Variants in MYO1C observed in about 807,000 individuals in gnomAD.
MYO1C encodes the protein unconventional myosin-Ic.
In MYO1C, 104 loss-of-function variants were observed where a neutral mutation model predicts 150.8. That is an observed-to-expected ratio of 0.69 (90% CI 0.59 to 0.81). MYO1C has a LOEUF of 0.81. Among genes scored for constraint, MYO1C ranks in the 30% least tolerant of loss-of-function variants. The pLI, the probability that MYO1C is intolerant of heterozygous loss-of-function variation, is 0.00. For synonymous variants in MYO1C, 663 were observed against 579.9 expected (o/e 1.14, Z -2.06); for missense variants, 1,504 against 1,435.0 (o/e 1.05, Z -0.78).
intron 1 of MYO1C, chr17:1,485,627 G>C: frequency 1.8e-6 from 2 of 1,136,142 alleles, no homozygotes; most frequent in East Asian, 3.6e-5. Flanking sequence ...GCGAGGCCGA[G>C]GCGACGCCGC....
At chr17:1,470,845 C>T in intron 21 of MYO1C, 156 bp from the exon 22 acceptor site, 1 of 969,536 alleles carries the variant, frequency 1.0e-6, no homozygotes, top group Admixed American at 2.0e-5. Context: ...TGGGGACTGC[C>T]CGGAAAAGGG....
chr17:1,469,065 G>A lies in MYO1C; in HGVS notation c.2610+466C>T, dbSNP rs572027340. Reference sequence around the variant, plus strand: ...TCCACTTCCTACACGAGGCCCAGCAGGGCCTGGCATCCAACTGAGGTCACC... The same window carrying A: ...TCCACTTCCTACACGAGGCCCAGCAAGGCCTGGCATCCAACTGAGGTCACC... On this transcript the variant is annotated intron_variant, in intron 25 of 31. Coordinates refer to ENST00000648651, the MANE Select transcript of MYO1C (RefSeq NM_001080779.2). 83 of 301,256 alleles carry A rather than the reference G, an allele frequency of 2.8e-4. 1 individual carries two copies. In the Admixed American group the frequency reaches 3.7e-3, roughly 13 times the overall value. 18.7% of individuals were successfully genotyped at this position (301,256 alleles called of 1,614,324 possible).
chr17:1,488,992 A>G (rs958505412), intron 1 of MYO1C, among the ~76,000 whole-genome samples: 1 of 152,138 alleles, frequency 6.6e-6, no homozygotes, highest in African/African-American at 2.4e-5. Flanking sequence ...ATGTTCCCCC[A>G]GCCTAAGGGC....
At chr17:1,484,872 T>TTCCCCCCCCCCCC in intron 1 of MYO1C, 2 of 341,198 alleles carry the variant, frequency 5.9e-6, no homozygotes, top group South Asian at 2.2e-5. Flanking sequence ...GGGCCGTCTC[T>TTCCCCCCCCCCCC]CCCACCCAGA....
intron 24 of MYO1C, 71 bp from the exon 25 acceptor site, chr17:1,469,685 C>A (rs1168609416): frequency 1.7e-5 from 21 of 1,246,476 alleles, no homozygotes; most frequent in Non-Finnish European, 2.3e-5. Flanking sequence ...CGAACATATG[C>A]TACTGCATCC....
At position 1,477,984 on chromosome 17, in the gene MYO1C, A is replaced by C. The variant is rs1476930579; in HGVS notation, c.1402-13T>G. ...GGACGGGCTCCCACTGAGGGGCAGAAGGGAAGGAAGGGATCACCGTGGGGT... is the reference window on the plus strand; with the variant it reads ...GGACGGGCTCCCACTGAGGGGCAGACGGGAAGGAAGGGATCACCGTGGGGT... On this transcript the variant is annotated splice_polypyrimidine_tract_variant and intron_variant, in intron 12 of 31. Coordinates refer to ENST00000648651, the MANE Select transcript of MYO1C (RefSeq NM_001080779.2). 1.9e-6 allele frequency: 3 copies of C among 1,613,812 alleles called. No individual in the cohort carries two copies. The South Asian group carries it at 3.3e-5, about 18-fold the overall frequency.
intron 14 of MYO1C, among the ~76,000 whole-genome samples, chr17:1,476,438 G>T (rs2074404085): frequency 6.6e-6 from 1 of 152,188 alleles, no homozygotes; most frequent in South Asian, 2.1e-4. Flanking sequence ...GCCTCCCACA[G>T]TGTCGGGATG....
rs1567532171 is a variant in MYO1C, at chr17:1,482,962, C to T, written c.445G>A (p.Ala149Thr). The T allele has an allele frequency of 1.2e-6, 2 of 1,611,670 alleles. No homozygotes were observed. The highest frequency in any genetic ancestry group is 8.5e-7 in the Non-Finnish European group (1 of 1,179,700). ...TAGAACTGCAGCAGCCTCTTGGTGG[C>T]CTCGGTCTTGCCTGCCCCGCTCTCC... ...SGESGAGKTE[A>T]TKRLLQFYAE... is the part of the protein sequence containing the mutation. Residue 149 changes from alanine to threonine, a missense_variant, in exon 4 of 32, where the codon GCC becomes ACC. Coordinates refer to ENST00000648651, the MANE Select transcript of MYO1C (RefSeq NM_001080779.2).
chr17:1,474,427 C>CAA (rs869242496), intron 17 of MYO1C, among the ~76,000 whole-genome samples, 183 bp downstream of exon 17: 25 of 85,414 alleles, frequency 2.9e-4, no homozygotes, highest in Admixed American at 6.0e-4. Flanking sequence ...GACCCTGTCT[C>CAA]AAAAAAAAAA....
At chr17:1,467,965 T>C in intron 28 of MYO1C, 23 bp downstream of exon 28, 1 of 1,612,836 alleles carries the variant, frequency 6.2e-7, no homozygotes, top group Non-Finnish European at 8.5e-7. Flanking sequence ...GCCCTCCCCC[T>C]GCAGCCCTGG....
Position 1,492,404 on chromosome 17 carries a change from C to A in MYO1C, c.75+9G>T. 1.3e-6 allele frequency: 2 copies of A among 1,599,442 alleles called. No individual in the cohort carries two copies. Among genetic ancestry groups the A allele is most frequent in the East Asian group, 2.3e-5 (1 of 43,836 alleles). On this transcript the variant is annotated intron_variant, in intron 1 of 31. Transcript: ENST00000648651. ...CACCCTCCTCCCAGCCCAGAGCATC[C>A]CAGCTTACAAGCTTGCAGGGCCTGT... is the stretch of plus-strand genomic sequence containing the variant.
intron 5 of MYO1C, 188 bp from the exon 6 acceptor site, chr17:1,481,073 G>A: frequency 1.6e-6 from 1 of 620,118 alleles, no homozygotes; most frequent in Non-Finnish European, 2.8e-6. Flanking sequence ...AGGAAATGGG[G>A]AGATTCAACT....
At chr17:1,485,369 T>C (rs1472398200) in intron 1 of MYO1C, 1 of 1,095,710 alleles carries the variant, frequency 9.1e-7, no homozygotes, top group Non-Finnish European at 1.1e-6. Context: ...GCCGGGGGCC[T>C]GCCCCTCCCA....
At chr17:1,484,055 A>G (rs1487818294) in intron 2 of MYO1C, 93 bp downstream of exon 2, 15 of 1,471,826 alleles carry the variant, frequency 1.0e-5, no homozygotes, top group Non-Finnish European at 1.3e-5. Context: ...AAAAAAAAAA[A>G]GTTTATCCCG....
At chr17:1,467,618 A>G in intron 29 of MYO1C, 41 bp from the exon 30 acceptor site, 1 of 1,590,440 alleles carries the variant, frequency 6.3e-7, no homozygotes, top group Non-Finnish European at 8.6e-7. Context: ...CCCTGCCCAG[A>G]ACTTGAGGAA....
Position 1,480,539 on chromosome 17 carries a change from C to T in MYO1C, c.894G>A (p.Glu298=), listed in dbSNP as rs760733255. 6.2e-7 allele frequency: 1 copy of T among 1,613,770 alleles called. No individual in the cohort carries two copies. Among genetic ancestry groups the T allele is most frequent in the Non-Finnish European group, 8.5e-7 (1 of 1,179,656 alleles). The change falls in exon 7 of 32, where the codon GAG becomes GAA. Residue 298 remains glutamate, a synonymous_variant. Transcript: ENST00000648651. The stretch of plus-strand genomic sequence containing the variant: ...GAAGAGGCCTCACCTCCACTTCATC[C>T]TCGGTGAAATCAATGACTGTCAGAG... ...RKALTVIDFT[E]DEVEDLLSIV... is the part of the protein sequence containing the mutation.
intron 25 of MYO1C, 112 bp downstream of exon 25, chr17:1,469,419 C>G (rs1367214647): frequency 1.9e-6 from 2 of 1,047,222 alleles, no homozygotes; most frequent in Non-Finnish European, 2.9e-6. Context: ...CGGTAGAACG[C>G]GGTAAATACG....
At chr17:1,469,922 C>A (rs1056812452) in intron 24 of MYO1C, among the ~76,000 whole-genome samples, 1 of 152,200 alleles carries the variant, frequency 6.6e-6, no homozygotes, top group Admixed American at 6.5e-5. Context: ...GTAGTCCCAG[C>A]TACTCAGGAG....
chr17:1,465,824 T>C (rs1168148307), intron 31 of MYO1C, 72 bp from the exon 32 acceptor site: 6 of 1,156,678 alleles, frequency 5.2e-6, no homozygotes, highest in African/African-American at 1.6e-5. Flanking sequence ...GACTTTTCTT[T>C]TCGTCCTTGT....
Sources: gnomAD v4.1 joint callset for allele counts (sites outside exome capture counted in the v4.1 genomes callset) on GRCh38, gnomAD v4.1.1 for gene constraint, MANE v1.5 for transcripts, NCBI Gene and HGNC (gene_info 2026-07-23, HGNC 2026-07-21) for gene names.